The following PHLDB3 variants were observed in gnomAD, a reference collection of about 807,000 sequenced individuals.
The protein encoded by PHLDB3 is pleckstrin homology-like domain family B member 3.
A neutral mutation model predicts 85.7 loss-of-function variants in PHLDB3; 86 were observed. The ratio of observed to expected loss-of-function variants is 1.00; its 90% CI spans 0.84 to 1.20. PHLDB3 has a LOEUF of 1.20. Among genes scored for constraint, PHLDB3 ranks in the 50% most tolerant of loss-of-function variants. The probability of loss-of-function intolerance (pLI) is 0.00; values close to 1 mark genes in which losing one functional copy is unlikely to be tolerated. For missense variants in PHLDB3, 995 were observed against 873.0 expected, an observed-to-expected ratio of 1.14 and a Z score of -1.76; for synonymous variants, 376 against 349.8, an observed-to-expected ratio of 1.07 and a Z score of -0.83.
In PHLDB3 at chr19:43,491,377, C is replaced by T. The variant is rs552970530; in HGVS notation, c.1149+3325G>A. Among the ~76,000 whole-genome samples, 335 of 152,200 alleles carry T rather than the reference C, an allele frequency of 2.2e-3. 1 individual carries two copies. Among genetic ancestry groups the T allele is most frequent in the Admixed American group, 4.0e-3 (61 of 15,262 alleles). On this transcript the variant is annotated intron_variant, in intron 9 of 15. Coordinates refer to ENST00000292140, the MANE Select transcript of PHLDB3 (RefSeq NM_198850.4). ...TTGAGCCAGGGGAATTGCCAGTATA[C>T]GACTGTTTCTTGCCTCCAAATATTA...
rs73937428 is a variant in PHLDB3, at chr19:43,478,191, G to A, written c.1703-59C>T. The A allele has an allele frequency of 2.7e-3, 3,607 of 1,354,984 alleles. 74 individuals carry two copies. In the African/African-American group the frequency reaches 0.046, roughly 17 times the overall value. The allele number at this position is 1,354,984 out of a possible 1,614,324, so 83.9% of individuals were successfully genotyped here. On this transcript the variant is annotated intron_variant, in intron 14 of 15. Transcript: ENST00000292140. ...TGAGAAAGGTGTGTCTGTGTGTGTC[G>A]AGGTGAGGGTCATTGGCCCTAAGTC... is the stretch of plus-strand genomic sequence containing the variant.
chr19:43,495,830 AGG>A (rs1971444563), intron 6 of PHLDB3: 1 of 603,882 alleles, frequency 1.7e-6, no homozygotes, highest in Non-Finnish European at 2.8e-6. Context: ...ATGAAGAGAA[AGG>A]GATGGACAGA....
chr19:43,503,280 GTCTCTCTCTCTCTCTCTCTC>G (rs57901463), intron 2 of PHLDB3, among the ~76,000 whole-genome samples: 1 of 141,890 alleles, frequency 7.0e-6, no homozygotes, highest in Non-Finnish European at 1.5e-5. Flanking sequence ...TGTCTATCTG[GTCTCTCTCTCTCTCTCTCTC>G]TCTCTCTCTC....
At position 43,502,156 on chromosome 19, in the gene PHLDB3, A is replaced by T. The variant is rs368632781; in HGVS notation, c.341T>A (p.Leu114Gln). ...TAGCTCCTTCACTCGCTGCTCCATC[A>T]GGGCCACACGAGTCAATGCCTCCAG... Reference protein sequence around the residue: ...QQLEALTRVALMEQRVKELQR... With the variant: ...QQLEALTRVAQMEQRVKELQR... The change falls in exon 3 of 16, where the codon CTG (leucine) becomes CAG (glutamine). Residue 114 changes from leucine (L) to glutamine (Q), a missense_variant. By Grantham distance (113) the Leu-to-Gln change is moderately radical. Transcript: ENST00000292140. 7.0e-5 allele frequency: 111 copies of T among 1,581,702 alleles called. No homozygotes were observed. The highest frequency in any genetic ancestry group is 9.5e-5 in the Non-Finnish European group (111 of 1,164,548).
chr19:43,504,162 G>A, intron 1 of PHLDB3, 30 bp from the exon 2 acceptor site: 1 of 1,531,476 alleles, frequency 6.5e-7, no homozygotes, highest in Non-Finnish European at 8.8e-7. Context: ...AGAAGCTCCG[G>A]GGGCGGGGCC....
chr19:43,495,314 T>C lies in PHLDB3; in HGVS notation c.977A>G (p.Asn326Ser), dbSNP rs200811514. 1.3e-3 allele frequency: 2,096 copies of C among 1,613,690 alleles called. 2 individuals carry two copies. Among genetic ancestry groups the C allele is most frequent in the South Asian group, 2.5e-3 (231 of 91,028 alleles). The change falls in exon 8 of 16, where the codon AAT (asparagine) becomes AGT (serine). Residue 326 changes from asparagine to serine, a missense_variant. Physicochemically the swap from Asn to Ser is conservative, Grantham distance 46. Coordinates refer to ENST00000292140, the MANE Select transcript of PHLDB3 (RefSeq NM_198850.4). Reference protein sequence around the residue: ...SQERSRLLELNCLQGTPGGDF... With the variant: ...SQERSRLLELSCLQGTPGGDF... ...CCCGCCAGGTGTTCCCTGAAGGCAATTGAGCTCGAGCAGCCGGCTCCGTTC... is the reference window on the plus strand; with the variant it reads ...CCCGCCAGGTGTTCCCTGAAGGCAACTGAGCTCGAGCAGCCGGCTCCGTTC...
At chr19:43,487,665 C>T (rs1295698003) in intron 9 of PHLDB3, among the ~76,000 whole-genome samples, 1 of 151,390 alleles carries the variant, frequency 6.6e-6, no homozygotes, top group African/African-American at 2.4e-5. Flanking sequence ...TTGTGGTTGC[C>T]CGGACTGGGG....
chr19:43,502,184 G>T lies in PHLDB3; in HGVS notation c.313C>A (p.Gln105Lys). The change falls in exon 3 of 16, where the codon CAG becomes AAG. Residue 105 changes from glutamine to lysine, a missense_variant. By Grantham distance (53) the Gln-to-Lys change is moderately conservative. Transcript: ENST00000292140. Reference sequence around the variant, plus strand: ...GCCACACGAGTCAATGCCTCCAGCTGCTGTCCTTGCAGGCGCCGCGCCGCC... The same window carrying T: ...GCCACACGAGTCAATGCCTCCAGCTTCTGTCCTTGCAGGCGCCGCGCCGCC... ...RGAARRLQGQQLEALTRVALM... is the reference protein window; with the variant it reads ...RGAARRLQGQKLEALTRVALM... 6.3e-7 allele frequency: 1 copy of T among 1,577,784 alleles called. No individual in the cohort carries two copies. The highest frequency in any genetic ancestry group is 8.6e-7 in the Non-Finnish European group (1 of 1,162,276).
chr19:43,483,845 T>C (rs1168020375), intron 13 of PHLDB3, among the ~76,000 whole-genome samples: 1 of 152,106 alleles, frequency 6.6e-6, no homozygotes, highest in African/African-American at 2.4e-5. Context: ...GAAAAGATAT[T>C]TTAGGTCAGG....
In PHLDB3 at chr19:43,475,314, T is replaced by C. The variant is rs1475107058; in HGVS notation, c.*96A>G. 5 of 1,492,664 alleles carry C rather than the reference T, an allele frequency of 3.3e-6. No individual in the cohort carries two copies. Among genetic ancestry groups the C allele is most frequent in the East Asian group, 2.3e-5 (1 of 42,974 alleles). The allele number at this position is 1,492,664 out of a possible 1,614,324, so 92.5% of individuals were successfully genotyped here. ...CCCGGGAGAGTTCCAAAGCGGTGCG[T>C]CCAAGTTTTCCGGCAGTGGGCGGGG... On this transcript the variant is annotated 3_prime_UTR_variant, in exon 16 of 16. Transcript: ENST00000292140.
chr19:43,480,437 A>G (rs1971022390), intron 13 of PHLDB3, among the ~76,000 whole-genome samples: 1 of 151,884 alleles, frequency 6.6e-6, no homozygotes, highest in South Asian at 2.1e-4. Context: ...CTAAAAATCC[A>G]AAAAATTAGC....
Position 43,501,743 on chromosome 19 carries a change from C to G in PHLDB3, c.525G>C (p.Gln175His). 2 of 1,584,330 alleles carry G rather than the reference C, an allele frequency of 1.3e-6. No homozygotes were observed. The highest frequency in any genetic ancestry group is 1.7e-6 in the Non-Finnish European group (2 of 1,171,140). Residue 175 changes from glutamine to histidine, a missense_variant, in exon 4 of 16, where the codon CAG becomes CAC. By Grantham distance (24) the Gln-to-His change is conservative. Transcript: ENST00000292140. The part of the protein sequence containing the change: ...QAASEQRGRQ[Q>H]REQEQRRLSQ... ...GGTGAGCCAAACAGACCTGTTCCCG[C>G]TGCTGGCGGCCGCGCTGCTCCGAGG...
At position 43,486,654 on chromosome 19, in the gene PHLDB3, G is replaced by A. The variant is rs781096069; in HGVS notation, c.1383C>T (p.Leu461=). ...CCCTCTCCGCCATGGCCTGCTGCAG[G>A]AGCCGCTCCATGTGGGCAATGTCTG... ...IHPDIAHMER[L]LQQAMAERER... The change falls in exon 12 of 16, where the codon CTC becomes CTT. Residue 461 remains leucine (L), a synonymous_variant. Coordinates refer to ENST00000292140, the MANE Select transcript of PHLDB3 (RefSeq NM_198850.4). The A allele has an allele frequency of 3.7e-6, 6 of 1,613,858 alleles. No homozygotes were observed. The highest frequency in any genetic ancestry group is 5.1e-6 in the Non-Finnish European group (6 of 1,179,866).
At position 43,486,703 on chromosome 19, in the gene PHLDB3, G is replaced by T. The variant is rs757399033; in HGVS notation, c.1341-7C>A. 3 of 1,613,930 alleles carry T rather than the reference G, an allele frequency of 1.9e-6. No individual in the cohort carries two copies. In the South Asian group the frequency reaches 3.3e-5, roughly 18 times the overall value. On this transcript the variant is annotated splice_polypyrimidine_tract_variant and splice_region_variant and intron_variant, in intron 11 of 15. Transcript: ENST00000292140. Reference sequence around the variant, plus strand: ...TGGATGGATGGCCCCACAGCTAGGAGGAGGGAACACAGACGGGGTGGGTTA... The same window carrying T: ...TGGATGGATGGCCCCACAGCTAGGATGAGGGAACACAGACGGGGTGGGTTA...
chr19:43,499,199 T>C (rs1300497252), intron 4 of PHLDB3, among the ~76,000 whole-genome samples: 1 of 151,834 alleles, frequency 6.6e-6, no homozygotes, highest in African/African-American at 2.4e-5. Context: ...GGATAGGACA[T>C]GGTGGTTGAC....
intron 9 of PHLDB3, among the ~76,000 whole-genome samples, chr19:43,493,566 A>C (rs2145928414): frequency 6.6e-6 from 1 of 151,958 alleles, no homozygotes; most frequent in Non-Finnish European, 1.5e-5. Context: ...TGGGAGGTTG[A>C]GGCTGCAGTG....
rs57304377 is a variant in PHLDB3 at position 43,489,369 on chromosome 19, G to GTT, written c.1150-2248_1150-2247dup. ...GCGACAGTGAGATCTATCTCTTAAA[G>GTT]TTTTTTTTTTTTTTTTTTTAAGCGA... is the stretch of plus-strand genomic sequence containing the variant. On this transcript the variant is annotated intron_variant, in intron 9 of 15. Coordinates refer to ENST00000292140, the MANE Select transcript of PHLDB3 (RefSeq NM_198850.4). 9.0e-4 allele frequency among the ~76,000 whole-genome samples: 127 copies of GTT among 140,390 alleles called. 1 individual carries two copies. The South Asian group carries it at 0.011, about 12-fold the overall frequency. The allele number at this position is 140,390 out of a possible 152,430, so 92.1% of individuals were successfully genotyped here.
chr19:43,475,610 C>T, intron 15 of PHLDB3, 66 bp from the exon 16 acceptor site: 1 of 1,596,976 alleles, frequency 6.3e-7, no homozygotes, highest in Non-Finnish European at 8.6e-7. Context: ...GGTGCGAACC[C>T]AGCCTTGCTA....
At position 43,504,640 on chromosome 19, in the gene PHLDB3, A is replaced by G. The variant is rs950949718; in HGVS notation, c.-66T>C. 9.1e-5 allele frequency: 14 copies of G among 154,412 alleles called. No homozygotes were observed. In the South Asian group the frequency reaches 2.2e-3, roughly 24 times the overall value. 9.6% of individuals were successfully genotyped at this position (154,412 alleles called of 1,614,324 possible). A position where few individuals can be genotyped will look rare whatever the true frequency, so the allele number is the denominator to read the frequency against. Reference sequence around the variant, plus strand: ...CTTCTCTGAACAAGCCAGGAGTCGGAGTCCTTGAGATTCCGAAGTCCAACT... The same window carrying G: ...CTTCTCTGAACAAGCCAGGAGTCGGGGTCCTTGAGATTCCGAAGTCCAACT... On this transcript the variant is annotated 5_prime_UTR_variant, in exon 1 of 16. Coordinates refer to ENST00000292140, the MANE Select transcript of PHLDB3 (RefSeq NM_198850.4).
Sources: allele counts gnomAD v4.1 joint callset (sites outside exome capture counted in the v4.1 genomes callset), GRCh38; gene constraint gnomAD v4.1.1; transcripts MANE v1.5; gene names NCBI Gene and HGNC (gene_info 2026-07-23, HGNC 2026-07-21).